Variants in SIRPB1 observed in about 807,000 individuals in gnomAD.
SIRPB1 encodes signal regulatory protein beta 1.
A neutral mutation model predicts 34.1 loss-of-function variants in SIRPB1; 28 were observed. That is an observed-to-expected ratio of 0.82 (90% CI 0.61 to 1.12). The LOEUF (loss-of-function observed/expected upper bound fraction) is 1.12. Ranked by LOEUF, SIRPB1 falls within the 50% of genes most tolerant of loss-of-function variation. SIRPB1 has a pLI of 0.00. For missense variants in SIRPB1, 499 were observed against 507.0 expected (o/e 0.98, Z 0.15); for synonymous variants, 211 against 203.8 (o/e 1.04, Z -0.30).
In SIRPB1 at chr20:1,612,169, G is replaced by A. The variant is rs552807479; in HGVS notation, c.76+7700C>T. 8.1e-4 allele frequency among the ~76,000 whole-genome samples: 57 copies of A among 70,412 alleles called. 25 individuals carry two copies. Among genetic ancestry groups the A allele is most frequent in the African/African-American group, 5.0e-3 (54 of 10,866 alleles). 46.2% of individuals were successfully genotyped at this position (70,412 alleles called of 152,430 possible). On this transcript the variant is annotated intron_variant, in intron 1 of 5. Transcript: ENST00000381605. ...TCCACCATACCTGGCCAATTTTTGTGTTTTTTGTAGACACACAGTTTCACC... is the reference window on the plus strand; with the variant it reads ...TCCACCATACCTGGCCAATTTTTGTATTTTTTGTAGACACACAGTTTCACC...
Position 1,571,928 on chromosome 20 carries a change from C to T in SIRPB1, c.543G>A (p.Leu181=). The part of the protein sequence containing the change: ...SHGFSPRDIT[L]KWFKNGNELS... ...GCTCATTCCCATTTTTGAACCATTT[C>T]AGGGTGATGTCTCTGGGAGAGAAGC... The change falls in exon 3 of 6, where the codon CTG becomes CTA. Residue 181 remains leucine, a synonymous_variant. Transcript: ENST00000381605. 1 of 1,614,164 alleles carries T rather than the reference C, an allele frequency of 6.2e-7. No individual in the cohort carries two copies. The highest frequency in any genetic ancestry group is 8.5e-7 in the Non-Finnish European group (1 of 1,180,038).
At chr20:1,577,390 C>G (rs2091328734) in intron 2 of SIRPB1, among the ~76,000 whole-genome samples, 1 of 147,810 alleles carries the variant, frequency 6.8e-6, no homozygotes, top group Admixed American at 6.7e-5. Flanking sequence ...GCTTCAGTCT[C>G]CCATCTGTAA....
At chr20:1,566,327 G>A in intron 4 of SIRPB1, 60 bp from the exon 5 acceptor site, 3 of 1,049,642 alleles carry the variant, frequency 2.9e-6, no homozygotes, top group Non-Finnish European at 1.4e-6. Context: ...CATCCCAGGG[G>A]CCTCCACTTA....
chr20:1,611,988 G>GTATTTC (rs2091574344), intron 1 of SIRPB1, among the ~76,000 whole-genome samples: 1 of 70,318 alleles, frequency 1.4e-5, no homozygotes, highest in South Asian at 6.0e-4. Flanking sequence ...TTTTCTTTTT[G>GTATTTC]TTTTTCTTTT....
intron 1 of SIRPB1, among the ~76,000 whole-genome samples, chr20:1,579,559 C>T (rs576523865): frequency 6.7e-6 from 1 of 148,772 alleles, no homozygotes; most frequent in South Asian, 2.1e-4. Flanking sequence ...GCGTGAATGA[C>T]CGTTGCATGC....
rs2091095783 is a variant in SIRPB1, at chr20:1,563,501, T to TA, written c.*1998dup. On this transcript the variant is annotated 3_prime_UTR_variant, in exon 6 of 6. Transcript: ENST00000381605. ...AGGGTGAAACTCCATCTCAAAAAAATAAAAATAAAATAAACAAATGAAAAG... is the reference window on the plus strand; with the variant it reads ...AGGGTGAAACTCCATCTCAAAAAAATAAAAAATAAAATAAACAAATGAAAAG... 6.6e-6 allele frequency: 1 copy of TA among 151,828 alleles called. No individual in the cohort carries two copies. Among genetic ancestry groups the TA allele is most frequent in the South Asian group, 2.1e-4 (1 of 4,816 alleles). The allele number at this position is 151,828 out of a possible 1,614,324, so 9.4% of individuals were successfully genotyped here.
chr20:1,582,644 AT>A lies in SIRPB1; in HGVS notation c.77-3951del, dbSNP rs2091403874. 4.0e-5 allele frequency among the ~76,000 whole-genome samples: 2 copies of A among 49,506 alleles called. 1 individual carries two copies. The highest frequency in any genetic ancestry group is 1.1e-3 in the East Asian group (2 of 1,768). 32.5% of individuals were successfully genotyped at this position (49,506 alleles called of 152,430 possible). A position where few individuals can be genotyped will look rare whatever the true frequency, so the allele number is the denominator to read the frequency against. On this transcript the variant is annotated intron_variant, in intron 1 of 5. Coordinates refer to ENST00000381605, the MANE Select transcript of SIRPB1 (RefSeq NM_006065.5). ...AATGACAAACAATGTAATATATCAT[AT>A]TTATAGAAGAAAGACAAGAAACACA...
At position 1,562,247 on chromosome 20, in the gene SIRPB1, T is replaced by A. The variant is rs1292508216; in HGVS notation, c.*3253A>T. 1.3e-5 allele frequency among the ~76,000 whole-genome samples: 2 copies of A among 152,146 alleles called. No homozygotes were observed. The highest frequency in any genetic ancestry group is 4.8e-5 in the African/African-American group (2 of 41,430). On this transcript the variant is annotated 3_prime_UTR_variant, in exon 6 of 6. Coordinates refer to ENST00000381605, the MANE Select transcript of SIRPB1 (RefSeq NM_006065.5). ...TGTTTTAAACAGAAAGAAGAGAGAG[T>A]AGTCTTTAAAGAAAGAGCTTGAGAA...
Position 1,561,434 on chromosome 20 carries a change from G to T in SIRPB1, c.*4066C>A, listed in dbSNP as rs781263580. On this transcript the variant is annotated 3_prime_UTR_variant, in exon 6 of 6. Transcript: ENST00000381605. Reference sequence around the variant, plus strand: ...TTTAGATCTTTTCTTTTTACCTAATGTCGTTTTTCTCTTCCAGCATCCCAT... The same window carrying T: ...TTTAGATCTTTTCTTTTTACCTAATTTCGTTTTTCTCTTCCAGCATCCCAT... 2.0e-5 allele frequency among the ~76,000 whole-genome samples: 3 copies of T among 151,994 alleles called. No homozygotes were observed. Among genetic ancestry groups the T allele is most frequent in the Non-Finnish European group, 4.4e-5 (3 of 67,974 alleles).
At chr20:1,567,892 C>T (rs925126763) in intron 4 of SIRPB1, among the ~76,000 whole-genome samples, 1 of 152,202 alleles carries the variant, frequency 6.6e-6, no homozygotes, top group Non-Finnish European at 1.5e-5. Context: ...GGCAGCACTG[C>T]AGATTCTTAT....
At chr20:1,565,981 G>A (rs1668932694) in intron 5 of SIRPB1, among the ~76,000 whole-genome samples, 172 bp downstream of exon 5, 1 of 152,058 alleles carries the variant, frequency 6.6e-6, no homozygotes, top group African/African-American at 2.4e-5. Context: ...ACTCCCTGGG[G>A]GTTGGGAGCC....
Position 1,564,150 on chromosome 20 carries a change from A to G in SIRPB1, c.*1350T>C, listed in dbSNP as rs551360627. ...GAGTGTGAGAGTTTCTAATATTTTG[A>G]CAAAAAATGGTAAAGGTCACAGAAT... On this transcript the variant is annotated 3_prime_UTR_variant, in exon 6 of 6. Transcript: ENST00000381605. The G allele has an allele frequency of 1.3e-5, 2 of 152,272 alleles. No individual in the cohort carries two copies. The highest frequency in any genetic ancestry group is 3.9e-4 in the East Asian group (2 of 5,188). 9.4% of individuals were successfully genotyped at this position (152,272 alleles called of 1,614,324 possible). A position where few individuals can be genotyped will look rare whatever the true frequency, so the allele number is the denominator to read the frequency against.
In SIRPB1 at chr20:1,603,766, C is replaced by T; in HGVS notation, c.76+16103G>A. On this transcript the variant is annotated intron_variant, in intron 1 of 5. Transcript: ENST00000381605. ...TTATGACAAACATAAATAATTTTAA[C>T]ATGAAAGAAAAAGATAAAATTTAAA... is the stretch of plus-strand genomic sequence containing the variant. 8.3e-6 allele frequency: 4 copies of T among 479,188 alleles called. 1 individual carries two copies. In the Admixed American group the frequency reaches 1.9e-4, roughly 22 times the overall value. The allele number at this position is 479,188 out of a possible 1,614,324, so 29.7% of individuals were successfully genotyped here.
intron 2 of SIRPB1, among the ~76,000 whole-genome samples, chr20:1,572,354 T>C (rs2091254861): frequency 6.6e-6 from 1 of 151,918 alleles, no homozygotes; most frequent in African/African-American, 2.4e-5. Context: ...TCCCTCCATG[T>C]TATTAACTGG....
At chr20:1,617,082 T>C (rs543165333) in intron 1 of SIRPB1, among the ~76,000 whole-genome samples, 116 of 152,270 alleles carry the variant, frequency 7.6e-4, no homozygotes, top group Admixed American at 3.1e-3. Context: ...TTCTTGCACA[T>C]AGTTAGTGGG....
In SIRPB1 at chr20:1,561,425, T is replaced by A. The variant is rs1267466653; in HGVS notation, c.*4075A>T. 2.0e-5 allele frequency among the ~76,000 whole-genome samples: 3 copies of A among 152,090 alleles called. No individual in the cohort carries two copies. Among genetic ancestry groups the A allele is most frequent in the Admixed American group, 2.0e-4 (3 of 15,282 alleles). ...CATAGTTTATTTAGATCTTTTCTTT[T>A]TACCTAATGTCGTTTTTCTCTTCCA... On this transcript the variant is annotated 3_prime_UTR_variant, in exon 6 of 6. Coordinates refer to ENST00000381605, the MANE Select transcript of SIRPB1 (RefSeq NM_006065.5).
Position 1,609,376 on chromosome 20 carries a change from G to A in SIRPB1, c.76+10493C>T, listed in dbSNP as rs1439063157. ...TGTACATGAAAGCATCATGTTTTAC[G>A]CTTTACATATACACATTTTTTTAAA... On this transcript the variant is annotated intron_variant, in intron 1 of 5. Coordinates refer to ENST00000381605, the MANE Select transcript of SIRPB1 (RefSeq NM_006065.5). Among the ~76,000 whole-genome samples the A allele has an allele frequency of 2.8e-5, 2 of 72,354 alleles. 1 individual carries two copies. Among genetic ancestry groups the A allele is most frequent in the Non-Finnish European group, 5.2e-5 (2 of 38,658 alleles). 47.5% of individuals were successfully genotyped at this position (72,354 alleles called of 152,430 possible). A position where few individuals can be genotyped will look rare whatever the true frequency, so the allele number is the denominator to read the frequency against.
rs1233660095 is a variant in SIRPB1 at position 1,602,827 on chromosome 20, G to A, written c.76+17042C>T. 1.6e-4 allele frequency among the ~76,000 whole-genome samples: 8 copies of A among 48,872 alleles called. 4 individuals carry two copies. The highest frequency in any genetic ancestry group is 2.4e-4 in the Non-Finnish European group (6 of 25,438). The allele number at this position is 48,872 out of a possible 152,430, so 32.1% of individuals were successfully genotyped here. A position where few individuals can be genotyped will look rare whatever the true frequency, so the allele number is the denominator to read the frequency against. On this transcript the variant is annotated intron_variant, in intron 1 of 5. Coordinates refer to ENST00000381605, the MANE Select transcript of SIRPB1 (RefSeq NM_006065.5). ...TCCACTTCCTGTCTTCACTCTTCCA[G>A]CAGACAAATCAGCGACCCAGCACTG...
intron 1 of SIRPB1, among the ~76,000 whole-genome samples, chr20:1,619,072 C>T (rs1420322575): frequency 6.6e-6 from 1 of 152,110 alleles, no homozygotes; most frequent in African/African-American, 2.4e-5. Flanking sequence ...AGAGGAAGAT[C>T]ATGTGTTTAA....
Sources: allele counts gnomAD v4.1 joint callset (sites outside exome capture counted in the v4.1 genomes callset), GRCh38; gene constraint gnomAD v4.1.1; transcripts MANE v1.5; gene names NCBI Gene and HGNC (gene_info 2026-07-23, HGNC 2026-07-21).